Variants in FAT3 observed in about 807,000 individuals in gnomAD.
FAT3 encodes FAT atypical cadherin 3, also known as protocadherin Fat 3.
In FAT3, 95 loss-of-function variants were observed where a neutral mutation model predicts 310.2. The ratio of observed to expected loss-of-function variants is 0.31; its 90% confidence interval spans 0.26 to 0.36. The LOEUF is 0.36. Among genes scored for constraint, FAT3 ranks in the 10% least tolerant of loss-of-function variants. FAT3 has a pLI of 1.00. For missense variants in FAT3, 5,408 were observed against 5,715.6 expected (o/e 0.95, Z 1.74); for synonymous variants, 2,314 against 2,192.9 (o/e 1.06, Z -1.54).
intron 3 of FAT3, among the ~76,000 whole-genome samples, chr11:92,693,252 G>A (rs893947172): frequency 6.6e-6 from 1 of 152,148 alleles, no homozygotes; most frequent in Non-Finnish European, 1.5e-5. Context: ...TGATGTGTTT[G>A]TTTATATCTC....
chr11:92,284,076 G>T (rs576429870), intron 1 of FAT3, among the ~76,000 whole-genome samples: 1 of 152,180 alleles, frequency 6.6e-6, no homozygotes, highest in African/African-American at 2.4e-5. Flanking sequence ...ACCAAGCACA[G>T]CATAGGATAA....
At chr11:92,430,923 G>C (rs996555824) in intron 2 of FAT3, among the ~76,000 whole-genome samples, 16 of 152,106 alleles carry the variant, frequency 1.1e-4, no homozygotes, top group African/African-American at 3.9e-4. Context: ...TTGGACATTT[G>C]GGTTGGTTCC....
chr11:92,769,332 G>A (rs1240862187), intron 6 of FAT3, among the ~76,000 whole-genome samples: 1 of 152,218 alleles, frequency 6.6e-6, no homozygotes, highest in Non-Finnish European at 1.5e-5. Context: ...TTCCTTCTCT[G>A]TGTTAAAAGG....
At chr11:92,394,393 G>A (rs1949814942) in intron 2 of FAT3, among the ~76,000 whole-genome samples, 1 of 152,134 alleles carries the variant, frequency 6.6e-6, no homozygotes, top group Admixed American at 6.6e-5. Flanking sequence ...AGGCTGCAGA[G>A]AGCCGAGATT....
chr11:92,229,760 T>TAATTTTA (rs1262786714), intron 1 of FAT3, among the ~76,000 whole-genome samples: 1 of 151,458 alleles, frequency 6.6e-6, no homozygotes, highest in Non-Finnish European at 1.5e-5. Flanking sequence ...AGGTTAGTCT[T>TAATTTTA]AATTTTAGCA....
intron 2 of FAT3, among the ~76,000 whole-genome samples, chr11:92,509,469 AC>A (rs1183921147): frequency 6.6e-6 from 1 of 152,214 alleles, no homozygotes; most frequent in Admixed American, 6.5e-5. Context: ...GCAAGAGTGG[AC>A]TTCATTAAGT....
chr11:92,886,869 G>T lies in FAT3; in HGVS notation c.12938-131G>T, dbSNP rs1949808324. The T allele has an allele frequency of 1.0e-5, 7 of 692,210 alleles. No individual in the cohort carries two copies. In the Admixed American group the frequency reaches 1.9e-4, roughly 19 times the overall value. The allele number at this position is 692,210 out of a possible 1,614,324, so 42.9% of individuals were successfully genotyped here. A position where few individuals can be genotyped will look rare whatever the true frequency, so the allele number is the denominator to read the frequency against. On this transcript the variant is annotated intron_variant, in intron 24 of 27. Transcript: ENST00000525166. Reference sequence around the variant, plus strand: ...GTGGCACAGTCAATTTTCTACTGTGGAGCTAAATTATTTTCTCTAAGCAAA... The same window carrying T: ...GTGGCACAGTCAATTTTCTACTGTGTAGCTAAATTATTTTCTCTAAGCAAA...
At chr11:92,374,501 G>A (rs116240561) in intron 2 of FAT3, among the ~76,000 whole-genome samples, 1 of 152,138 alleles carries the variant, frequency 6.6e-6, no homozygotes, top group East Asian at 1.9e-4. Flanking sequence ...TAACTTGCAG[G>A]AAGGCAAGAA....
At chr11:92,723,740 A>C (rs950428169) in intron 4 of FAT3, among the ~76,000 whole-genome samples, 1 of 152,130 alleles carries the variant, frequency 6.6e-6, no homozygotes, top group East Asian at 1.9e-4. Flanking sequence ...CAGACAAGAG[A>C]AGGGAGCTTG....
intron 4 of FAT3, among the ~76,000 whole-genome samples, chr11:92,708,351 T>A (rs187496948): frequency 6.6e-6 from 1 of 152,346 alleles, no homozygotes; most frequent in Admixed American, 6.5e-5. Flanking sequence ...TATATCAAAC[T>A]AATATATTAT....
rs191202400 is a variant in FAT3, at chr11:92,274,779, A to G, written c.-18+49605A>G. 5.0e-4 allele frequency among the ~76,000 whole-genome samples: 76 copies of G among 152,264 alleles called. 1 individual carries two copies. Among genetic ancestry groups the G allele is most frequent in the Admixed American group, 2.5e-3 (38 of 15,274 alleles). ...TTTACCTTTTTTAAAGTGGAAAAGA[A>G]AATAGAACACTGAACTCTTGACCTT... is the stretch of plus-strand genomic sequence containing the variant. On this transcript the variant is annotated intron_variant, in intron 1 of 27. Coordinates refer to ENST00000525166, the MANE Select transcript of FAT3 (RefSeq NM_001367949.2).
intron 2 of FAT3, among the ~76,000 whole-genome samples, chr11:92,372,611 A>T (rs536051424): frequency 1.1e-4 from 16 of 152,022 alleles, no homozygotes; most frequent in Non-Finnish European, 2.1e-4. Context: ...GCTTAGAACT[A>T]CAAAGAGGAA....
intron 4 of FAT3, among the ~76,000 whole-genome samples, chr11:92,750,935 C>T (rs1041421412): frequency 3.3e-5 from 5 of 152,204 alleles, no homozygotes; most frequent in South Asian, 2.1e-4. Flanking sequence ...AGCTCCATCT[C>T]GGAAGAGTCT....
intron 2 of FAT3, among the ~76,000 whole-genome samples, chr11:92,377,139 A>T (rs979759045): frequency 6.6e-6 from 1 of 152,246 alleles, no homozygotes; most frequent in Non-Finnish European, 1.5e-5. Context: ...ATACAGGCTC[A>T]TGCATGGGAA....
chr11:92,837,795 G>A lies in FAT3; in HGVS notation c.10357G>A (p.Ala3453Thr). The change falls in exon 17 of 28, where the codon GCT becomes ACT. Residue 3453 changes from alanine (A) to threonine (T), a missense_variant. Physicochemically the swap from Ala to Thr is moderately conservative, Grantham distance 58 (BLOSUM62 0). This residue lies in a region of FAT3 where 4,588 missense variants were observed against 4,809.8 expected (regional missense o/e 0.95). Transcript: ENST00000525166. ...GGTGTTTACACCTGCCAACTATACTGCTGTGATTCAGGTGAGAAAATCTTG... is the reference window on the plus strand; with the variant it reads ...GGTGTTTACACCTGCCAACTATACTACTGTGATTCAGGTGAGAAAATCTTG... ...SPVFTPANYT[A>T]VIQENKPVGT... The A allele has an allele frequency of 6.2e-7, 1 of 1,613,944 alleles. No homozygotes were observed. Among genetic ancestry groups the A allele is most frequent in the Non-Finnish European group, 8.5e-7 (1 of 1,179,872 alleles).
intron 1 of FAT3, among the ~76,000 whole-genome samples, chr11:92,312,819 G>C (rs1292205132): frequency 1.3e-5 from 2 of 152,120 alleles, no homozygotes; most frequent in African/African-American, 2.4e-5. Flanking sequence ...CTAAGTGCTT[G>C]TTTTTCCCAT....
chr11:92,261,974 A>G (rs573800183), intron 1 of FAT3, among the ~76,000 whole-genome samples: 1 of 151,644 alleles, frequency 6.6e-6, no homozygotes, highest in Non-Finnish European at 1.5e-5. Flanking sequence ...TCTCCTTTAT[A>G]CATATTTACT....
At chr11:92,685,395 A>C (rs2135871076) in intron 3 of FAT3, among the ~76,000 whole-genome samples, 1 of 152,136 alleles carries the variant, frequency 6.6e-6, no homozygotes, top group South Asian at 2.1e-4. Context: ...CATAGCAATA[A>C]TCATCGCAGC....
At chr11:92,254,099 G>T (rs968886501) in intron 1 of FAT3, among the ~76,000 whole-genome samples, 12 of 152,146 alleles carry the variant, frequency 7.9e-5, no homozygotes, top group African/African-American at 2.9e-4. Flanking sequence ...ACTCTGATGG[G>T]CTCTGGGTTA....
Sources: allele counts gnomAD v4.1 joint callset (sites outside exome capture counted in the v4.1 genomes callset), GRCh38; gene constraint gnomAD v4.1.1; regional missense constraint gnomAD v4.1.1; transcripts MANE v1.5; gene names NCBI Gene and HGNC (gene_info 2026-07-23, HGNC 2026-07-21).